The following PON2 variants were observed in gnomAD, a reference collection of about 807,000 sequenced individuals.
The protein encoded by PON2 is paraoxonase 2, also known as serum paraoxonase/arylesterase 2.
PON2 carries 27 observed loss-of-function variants against 36.6 expected under a neutral mutation model. That is an observed-to-expected ratio of 0.74 (90% CI 0.54 to 1.02). PON2 has a LOEUF of 1.02. PON2 is among the 50% of genes least tolerant of loss of function. The pLI is 0.00. For synonymous variants in PON2, 149 were observed against 156.3 expected (o/e 0.95, Z 0.35); for missense variants, 363 against 421.1 (o/e 0.86, Z 1.21).
At position 95,406,267 on chromosome 7, in the gene PON2, C is replaced by A; in HGVS notation, c.778-20G>T. ...AAGTACCTTCCAAATGAGAAATTGT[C>A]AAAATCTAAATGACATGAGAAACTT... On this transcript the variant is annotated intron_variant, in intron 7 of 8. Transcript: ENST00000222572. 6.2e-7 allele frequency: 1 copy of A among 1,605,740 alleles called. No individual in the cohort carries two copies. The highest frequency in any genetic ancestry group is 1.1e-5 in the South Asian group (1 of 90,834).
At chr7:95,424,301 T>C (rs1789263213) in intron 2 of PON2, 1 of 576,472 alleles carries the variant, frequency 1.7e-6, no homozygotes, top group Non-Finnish European at 3.1e-6. Flanking sequence ...AACATAGAAT[T>C]ACACACAAAA....
At chr7:95,427,344 T>G (rs1789339460) in intron 1 of PON2, among the ~76,000 whole-genome samples, 1 of 152,134 alleles carries the variant, frequency 6.6e-6, no homozygotes, top group Admixed American at 6.5e-5. Flanking sequence ...CAACCCCCTT[T>G]CTTTCTCCCT....
intron 2 of PON2, among the ~76,000 whole-genome samples, chr7:95,417,726 C>CACACACACACACACACACA (rs56020343): frequency 6.7e-6 from 1 of 148,392 alleles, no homozygotes; most frequent in African/African-American, 2.5e-5. Context: ...CACACACACA[C>CACACACACACACACACACA]CGAGAGAGAA....
chr7:95,410,247 T>C (rs1261119488), intron 5 of PON2, 146 bp from the exon 6 acceptor site: 2 of 686,116 alleles, frequency 2.9e-6, no homozygotes, highest in South Asian at 1.7e-5. Flanking sequence ...ACTATAGTCA[T>C]ATACAATATA....
chr7:95,406,004 CTTA>C, intron 8 of PON2, 112 bp downstream of exon 8: 2 of 1,237,538 alleles, frequency 1.6e-6, no homozygotes, highest in Non-Finnish European at 2.3e-6. Context: ...ACGACATAAG[CTTA>C]TTATATTATT....
intron 6 of PON2, among the ~76,000 whole-genome samples, chr7:95,407,561 T>C (rs564238454): frequency 3.9e-4 from 60 of 152,300 alleles, no homozygotes; most frequent in African/African-American, 1.4e-3. Context: ...ATAATCTGTC[T>C]ACTTCAAAGG....
At chr7:95,428,463 G>A (rs987759959) in intron 1 of PON2, among the ~76,000 whole-genome samples, 1 of 152,094 alleles carries the variant, frequency 6.6e-6, no homozygotes, top group Non-Finnish European at 1.5e-5. Flanking sequence ...CTTTGATGAT[G>A]AGTATAAGCA....
chr7:95,417,151 T>G (rs939217579), intron 2 of PON2, among the ~76,000 whole-genome samples: 1 of 152,236 alleles, frequency 6.6e-6, no homozygotes, highest in Non-Finnish European at 1.5e-5. Flanking sequence ...CTTTAAGACT[T>G]CTCCATAGGA....
chr7:95,416,484 CT>C (rs1789065800), intron 2 of PON2, 187 bp from the exon 3 acceptor site: 2 of 642,386 alleles, frequency 3.1e-6, no homozygotes, highest in Non-Finnish European at 5.4e-6. Flanking sequence ...GAACTTCTGA[CT>C]TTAAATGTTA....
intron 2 of PON2, 186 bp from the exon 3 acceptor site, chr7:95,416,483 A>G: frequency 1.6e-6 from 1 of 644,766 alleles, no homozygotes. Context: ...TGAACTTCTG[A>G]CTTTAAATGT....
chr7:95,416,144 T>G, intron 3 of PON2, 98 bp downstream of exon 3: 1 of 1,580,248 alleles, frequency 6.3e-7, no homozygotes, highest in Non-Finnish European at 8.6e-7. Context: ...GAATGCATTT[T>G]GGAAAATGAA....
At chr7:95,423,130 C>G (rs1285611581) in intron 2 of PON2, among the ~76,000 whole-genome samples, 1 of 151,774 alleles carries the variant, frequency 6.6e-6, no homozygotes, top group Non-Finnish European at 1.5e-5. Context: ...TCAAGACCAG[C>G]CTGGACAACA....
At chr7:95,417,311 G>A (rs993830796) in intron 2 of PON2, among the ~76,000 whole-genome samples, 4 of 152,056 alleles carry the variant, frequency 2.6e-5, no homozygotes, top group African/African-American at 9.7e-5. Context: ...AAATAAAAAT[G>A]CCAAGAACTT....
In PON2 at chr7:95,405,253, G is replaced by T; in HGVS notation, c.*77C>A. 6.8e-7 allele frequency: 1 copy of T among 1,479,976 alleles called. No individual in the cohort carries two copies. The highest frequency in any genetic ancestry group is 9.4e-7 in the Non-Finnish European group (1 of 1,066,678). The allele number at this position is 1,479,976 out of a possible 1,614,324, so 91.7% of individuals were successfully genotyped here. A position where few individuals can be genotyped will look rare whatever the true frequency, so the allele number is the denominator to read the frequency against. On this transcript the variant is annotated 3_prime_UTR_variant, in exon 9 of 9. Coordinates refer to ENST00000222572, the MANE Select transcript of PON2 (RefSeq NM_000305.3). The stretch of plus-strand genomic sequence containing the variant: ...CATACATTTCTGGGTCAATGTTGCT[G>T]GTTAAATTCCCTCAGAATTAGCAAT...
intron 5 of PON2, 39 bp from the exon 6 acceptor site, chr7:95,410,140 C>T (rs1286007643): frequency 6.7e-7 from 1 of 1,500,538 alleles, no homozygotes; most frequent in Non-Finnish European, 9.2e-7. Flanking sequence ...AAACAAAAGG[C>T]CTGTTGGTCT....
At chr7:95,424,279 A>T in intron 2 of PON2, 1 of 544,808 alleles carries the variant, frequency 1.8e-6, no homozygotes, top group South Asian at 2.2e-5. Context: ...ACAAGCAAGA[A>T]ATCAAATGCT....
chr7:95,428,416 A>G (rs955100592), intron 1 of PON2, among the ~76,000 whole-genome samples: 2 of 152,160 alleles, frequency 1.3e-5, no homozygotes, highest in Non-Finnish European at 2.9e-5. Flanking sequence ...GGAAAAATAC[A>G]TCTTTATTTA....
intron 1 of PON2, among the ~76,000 whole-genome samples, chr7:95,430,938 G>A (rs1347750905): frequency 6.7e-6 from 1 of 150,058 alleles, no homozygotes; most frequent in Non-Finnish European, 1.5e-5. Context: ...TCTTTCAGAA[G>A]TAGAAACAGA....
chr7:95,430,600 T>C (rs930359625), intron 1 of PON2, among the ~76,000 whole-genome samples: 24 of 151,804 alleles, frequency 1.6e-4, no homozygotes, highest in Non-Finnish European at 2.9e-4. Flanking sequence ...TGCCCGGCCA[T>C]GTTTTTTTAA....
Sources: gnomAD v4.1 joint callset for allele counts (sites outside exome capture counted in the v4.1 genomes callset) on GRCh38, gnomAD v4.1.1 for gene constraint, MANE v1.5 for transcripts, NCBI Gene and HGNC (gene_info 2026-07-23, HGNC 2026-07-21) for gene names.